Variants in NBPF9 observed in about 807,000 individuals in gnomAD.
NBPF9 encodes the protein NBPF member 9, also known as NBPF family member NBPF9.
A neutral mutation model predicts 97.8 loss-of-function variants in NBPF9; 91 were observed. That is an observed-to-expected ratio of 0.93 (90% confidence interval 0.79 to 1.11). NBPF9 has a LOEUF of 1.11. NBPF9 is among the 50% of genes least tolerant of loss of function. NBPF9 has a pLI of 0.00. For synonymous variants in NBPF9, 334 were observed against 359.5 expected (o/e 0.93, Z 0.80); for missense variants, 992 against 939.5 (o/e 1.06, Z -0.73).
rs1168842172 is a variant in NBPF9 at position 149,072,185 on chromosome 1, C to A, written c.1307-509G>T. On this transcript the variant is annotated intron_variant, in intron 14 of 29. Coordinates refer to ENST00000584027, the Ensembl canonical transcript of NBPF9. ...CTGAAGCACTTCCTACCACAAAACG[C>A]CCCCACATAAAGTGCCTTCTCCAAC... is the stretch of plus-strand genomic sequence containing the variant. 1.3e-5 allele frequency among the ~76,000 whole-genome samples: 2 copies of A among 151,224 alleles called. 1 individual carries two copies. The highest frequency in any genetic ancestry group is 2.9e-5 in the Non-Finnish European group (2 of 67,914).
chr1:149,073,638 T>C, intron 13 of NBPF9, 130 bp downstream of exon 13: 1 of 740,530 alleles, frequency 1.4e-6, no homozygotes, highest in Non-Finnish European at 2.4e-6. Context: ...TATTTGTGTG[T>C]AGCGAGCCTG....
chr1:149,069,059 G>T (rs181336899), intron 17 of NBPF9, among the ~76,000 whole-genome samples: 1 of 152,278 alleles, frequency 6.6e-6, no homozygotes, highest in South Asian at 2.1e-4. Flanking sequence ...AAATAAAGAC[G>T]TTCTTTGAAA....
At position 149,080,073 on chromosome 1, in the gene NBPF9, C is replaced by T. The variant is rs374488746; in HGVS notation, c.258G>A (p.Leu86=). Residue 86 remains leucine, a synonymous_variant, in exon 8 of 30, where the codon CTG becomes CTA. Coordinates refer to ENST00000584027, the Ensembl canonical transcript of NBPF9. The stretch of plus-strand genomic sequence containing the variant: ...CTCACCTGAGCTCCTCAGCTTGCTT[C>T]AGCTGCTCTGCAAGCTTCTCCTCCT... 7.2e-5 allele frequency: 102 copies of T among 1,424,374 alleles called. No homozygotes were observed. In the African/African-American group the frequency reaches 1.4e-3, roughly 19 times the overall value. 88.2% of individuals were successfully genotyped at this position (1,424,374 alleles called of 1,614,324 possible).
chr1:149,072,527 G>A (rs2079498085), intron 14 of NBPF9, among the ~76,000 whole-genome samples, 191 bp downstream of exon 14: 2 of 152,098 alleles, frequency 1.3e-5, no homozygotes, highest in African/African-American at 2.4e-5. Context: ...AGGGACACTT[G>A]CAATAATGTG....
Position 149,055,879 on chromosome 1 carries a change from T to G in NBPF9, c.3113A>C (p.Glu1038Ala), listed in dbSNP as rs587723272. The G allele has an allele frequency of 2.6e-4, 420 of 1,610,714 alleles. 3 individuals carry two copies. The Middle Eastern group carries it at 2.7e-3, about 10-fold the overall frequency. The change falls in exon 30 of 30, where the codon GAA becomes GCA. Residue 1038 changes from glutamate (E) to alanine (A), a missense_variant. Physicochemically the swap from Glu to Ala is moderately radical, Grantham distance 107. This residue lies in a region of NBPF9 where 397 missense variants were observed against 213.6 expected (regional missense o/e 1.86). Coordinates refer to ENST00000584027, the Ensembl canonical transcript of NBPF9. ...CTGCAAGACTTCAGGCTCTTCCACT[T>G]CCATCAGCACGCCGTTGAGCCTGGA...
chr1:149,087,771 A>T (rs1346951984), intron 5 of NBPF9, among the ~76,000 whole-genome samples: 2 of 151,240 alleles, frequency 1.3e-5, no homozygotes, highest in African/African-American at 4.9e-5. Context: ...ATAATTTCCC[A>T]AAGCAATTTT....
chr1:149,062,459 G>A (rs1468812291), intron 21 of NBPF9, among the ~76,000 whole-genome samples, 194 bp from the exon 22 acceptor site: 2 of 144,420 alleles, frequency 1.4e-5, no homozygotes, highest in East Asian at 3.9e-4. Context: ...GAAAGACAGG[G>A]AGAGGGAGAG....
chr1:149,077,767 T>A, intron 10 of NBPF9, 116 bp downstream of exon 10: 1 of 1,429,724 alleles, frequency 7.0e-7, no homozygotes, highest in Non-Finnish European at 9.8e-7. Flanking sequence ...CAATTTCACA[T>A]ACTGTGGCCA....
chr1:149,082,952 C>CTTTTCTTTTTTTTTTT (rs2080624607), intron 5 of NBPF9, among the ~76,000 whole-genome samples: 1 of 60,986 alleles, frequency 1.6e-5, no homozygotes, highest in Non-Finnish European at 3.2e-5. Context: ...GCTAATTTTT[C>CTTTTCTTTTTTTTTTT]TTTTCTTTTT....
At chr1:149,074,033 C>G (rs1239123020) in intron 12 of NBPF9, among the ~76,000 whole-genome samples, 163 bp from the exon 13 acceptor site, 2 of 150,906 alleles carry the variant, frequency 1.3e-5, no homozygotes, top group Non-Finnish European at 3.0e-5. Flanking sequence ...TCCTGACTTT[C>G]TGGCATCTGA....
chr1:149,099,119 A>G (rs2081977515), intron 3 of NBPF9, among the ~76,000 whole-genome samples: 3 of 152,136 alleles, frequency 2.0e-5, no homozygotes, highest in African/African-American at 7.2e-5. Flanking sequence ...ACCAAGTAAT[A>G]CTTGAGGCAG....
chr1:149,067,901 CGTT>C (rs201961388), intron 17 of NBPF9, among the ~76,000 whole-genome samples: 19,303 of 143,938 alleles, frequency 0.13, 1,789 homozygotes, highest in African/African-American at 0.18. Flanking sequence ...CTTCCACAAT[CGTT>C]GAACTAGTTT....
intron 13 of NBPF9, among the ~76,000 whole-genome samples, chr1:149,073,233 C>T (rs587712632): frequency 1.4e-5 from 2 of 147,336 alleles, no homozygotes; most frequent in East Asian, 4.0e-4. Flanking sequence ...GTTCCTCACT[C>T]TGGCCATGGA....
chr1:149,068,540 A>T lies in NBPF9; in HGVS notation c.1637+1054T>A, dbSNP rs587674687. Among the ~76,000 whole-genome samples the T allele has an allele frequency of 5.3e-5, 8 of 151,740 alleles. No homozygotes were observed. In the East Asian group the frequency reaches 1.4e-3, roughly 26 times the overall value. ...CAAAAGAGACAAAGAAGGCCACTAC[A>T]TAATGGTAAAGGGATCAATTCAACA... On this transcript the variant is annotated intron_variant, in intron 17 of 29. Coordinates refer to ENST00000584027, the Ensembl canonical transcript of NBPF9.
At chr1:149,057,704 GACACACACACACAC>G (rs879952249) in intron 27 of NBPF9, among the ~76,000 whole-genome samples, 197 bp from the exon 28 acceptor site, 15 of 27,844 alleles carry the variant, frequency 5.4e-4, no homozygotes, top group Non-Finnish European at 1.1e-3. Flanking sequence ...AAGACAGATA[GACACACACACACAC>G]ACACACACAC....
chr1:149,071,762 C>T lies in NBPF9; in HGVS notation c.1307-86G>A, dbSNP rs2079431097. The T allele has an allele frequency of 2.0e-5, 15 of 750,746 alleles. 1 individual carries two copies. The highest frequency in any genetic ancestry group is 3.3e-5 in the Non-Finnish European group (15 of 449,194). 46.5% of individuals were successfully genotyped at this position (750,746 alleles called of 1,614,324 possible). On this transcript the variant is annotated intron_variant, in intron 14 of 29. Coordinates refer to ENST00000584027, the Ensembl canonical transcript of NBPF9. Reference sequence around the variant, plus strand: ...GCCCAATGTGCAACAGAGACATGAACATCTAGGCATGGGTCACCGTTCAAC... The same window carrying T: ...GCCCAATGTGCAACAGAGACATGAATATCTAGGCATGGGTCACCGTTCAAC...
intron 26 of NBPF9, 177 bp downstream of exon 26, chr1:149,058,748 C>G: frequency 1.7e-6 from 1 of 572,864 alleles, no homozygotes; most frequent in South Asian, 1.9e-5. Context: ...CTCACTGACC[C>G]ATTTCATGTC....
rs782035423 is a variant in NBPF9 at position 149,055,948 on chromosome 1, C to A, written c.3093-49G>T. On this transcript the variant is annotated intron_variant, in intron 29 of 29. Transcript: ENST00000584027. Reference sequence around the variant, plus strand: ...GAAGCAGCCAGGGAAAATCAGACACCACAGAGCCCCACTAGATTTCAGAAG... The same window carrying A: ...GAAGCAGCCAGGGAAAATCAGACACAACAGAGCCCCACTAGATTTCAGAAG... 16 of 1,611,474 alleles carry A rather than the reference C, an allele frequency of 9.9e-6. No individual in the cohort carries two copies. In the South Asian group the frequency reaches 1.6e-4, roughly 17 times the overall value.
chr1:149,073,170 T>C (rs1487554205), intron 13 of NBPF9, among the ~76,000 whole-genome samples: 1 of 148,936 alleles, frequency 6.7e-6, no homozygotes, highest in Non-Finnish European at 1.5e-5. Context: ...CTTTCCCTTC[T>C]GTAAACAAAA....
Sources: gnomAD v4.1 joint callset for allele counts (sites outside exome capture counted in the v4.1 genomes callset) on GRCh38, gnomAD v4.1.1 for gene constraint, gnomAD v4.1.1 regional missense constraint, MANE v1.5 for transcripts, NCBI Gene and HGNC (gene_info 2026-07-23, HGNC 2026-07-21) for gene names.